Variants in ANXA4 observed in about 807,000 individuals in gnomAD.
The protein encoded by ANXA4 is annexin A4.
In ANXA4, 39 loss-of-function variants were observed where a neutral mutation model predicts 49.8. That is an observed-to-expected ratio of 0.78 (90% CI 0.61 to 1.02). The LOEUF is 1.02. Ranked by LOEUF, ANXA4 falls within the 50% of genes least tolerant of loss-of-function variation. ANXA4 has a pLI of 0.00. For missense variants in ANXA4, 360 were observed against 410.1 expected, an observed-to-expected ratio of 0.88 and a Z score of 1.05; for synonymous variants, 134 against 152.5, an observed-to-expected ratio of 0.88 and a Z score of 0.89.
intron 2 of ANXA4, among the ~76,000 whole-genome samples, chr2:69,664,276 A>C (rs1676852152): frequency 6.6e-6 from 1 of 152,212 alleles, no homozygotes; most frequent in South Asian, 2.1e-4. Flanking sequence ...ACCTTTTTTC[A>C]AGAAGCTTTC....
At chr2:69,677,099 A>C (rs1677438973) in intron 2 of ANXA4, among the ~76,000 whole-genome samples, 1 of 152,154 alleles carries the variant, frequency 6.6e-6, no homozygotes, top group South Asian at 2.1e-4. Context: ...TATAGGCGTG[A>C]GCCACCACAC....
At chr2:69,796,100 G>A (rs1672932984) in intron 3 of ANXA4, among the ~76,000 whole-genome samples, 1 of 152,192 alleles carries the variant, frequency 6.6e-6, no homozygotes, top group African/African-American at 2.4e-5. Context: ...AGTCCTGCCG[G>A]ACCATCTGTG....
At position 69,732,585 on chromosome 2, in the gene ANXA4, C is replaced by G. The variant is rs182875806; in HGVS notation, n.864+11714C>G. Among the ~76,000 whole-genome samples the G allele has an allele frequency of 9.7e-3, 1,473 of 151,852 alleles. 20 individuals carry two copies. The highest frequency in any genetic ancestry group is 0.032 in the African/African-American group (1,327 of 41,382). On this transcript the variant is annotated intron_variant and non_coding_transcript_variant, in intron 3 of 3. Coordinates refer to the ANXA4 transcript ENST00000418066. Reference sequence around the variant, plus strand: ...GCCAGCCTGACCAACATGGAGAAGCCCCGTCTCTACTAAAAATAAAAAATT... The same window carrying G: ...GCCAGCCTGACCAACATGGAGAAGCGCCGTCTCTACTAAAAATAAAAAATT...
At chr2:69,724,236 A>G (rs1047362644) in intron 3 of ANXA4, among the ~76,000 whole-genome samples, 2 of 152,212 alleles carry the variant, frequency 1.3e-5, no homozygotes, top group Non-Finnish European at 2.9e-5. Context: ...CCCATCTCCT[A>G]GAAACTGGTG....
At chr2:69,687,311 C>T (rs1302198187) in intron 2 of ANXA4, among the ~76,000 whole-genome samples, 1 of 152,084 alleles carries the variant, frequency 6.6e-6, no homozygotes, top group Non-Finnish European at 1.5e-5. Flanking sequence ...CGAGACCAGC[C>T]TGGGCAACAT....
At chr2:69,676,027 GATAATA>G (rs1008375536) in intron 2 of ANXA4, among the ~76,000 whole-genome samples, 6 of 149,092 alleles carry the variant, frequency 4.0e-5, no homozygotes, top group East Asian at 3.9e-4. Context: ...AAATAATAAT[GATAATA>G]ATAATAATAA....
At chr2:69,749,935 GA>G (rs1025946766) in intron 1 of ANXA4, among the ~76,000 whole-genome samples, 1 of 138,772 alleles carries the variant, frequency 7.2e-6, no homozygotes, top group Admixed American at 7.3e-5. Flanking sequence ...AAAAAAAAAA[GA>G]AAAAGATGGA....
At chr2:69,730,015 T>C (rs1308435148) in intron 3 of ANXA4, among the ~76,000 whole-genome samples, 1 of 152,216 alleles carries the variant, frequency 6.6e-6, no homozygotes, top group East Asian at 1.9e-4. Flanking sequence ...CTAGAGACCG[T>C]GCCCTTTATT....
rs1670496698 is a variant in ANXA4 at position 69,743,624 on chromosome 2, A to G, written c.-47+1449A>G. 3.3e-5 allele frequency among the ~76,000 whole-genome samples: 5 copies of G among 152,302 alleles called. No individual in the cohort carries two copies. In the South Asian group the frequency reaches 1.0e-3, roughly 32 times the overall value. ...AGAAAACGGATAACCCCATGACCCA[A>G]GAGCTGCTGACTCTCCAGAGCCCTA... is the stretch of plus-strand genomic sequence containing the variant. On this transcript the variant is annotated intron_variant, in intron 1 of 12. Coordinates refer to ENST00000394295, the MANE Select transcript of ANXA4 (RefSeq NM_001153.5).
chr2:69,677,608 A>T (rs1229717918), intron 2 of ANXA4, among the ~76,000 whole-genome samples: 5 of 152,114 alleles, frequency 3.3e-5, no homozygotes, highest in African/African-American at 9.7e-5. Flanking sequence ...CCATCTCTTT[A>T]TTATTGGATA....
At chr2:69,673,637 C>A (rs749449390) in intron 2 of ANXA4, among the ~76,000 whole-genome samples, 5 of 151,274 alleles carry the variant, frequency 3.3e-5, no homozygotes, top group African/African-American at 1.2e-4. Flanking sequence ...CACATGTACC[C>A]CAGAACTTAA....
At chr2:69,793,717 G>A (rs577839851) in intron 3 of ANXA4, among the ~76,000 whole-genome samples, 1 of 152,128 alleles carries the variant, frequency 6.6e-6, no homozygotes, top group African/African-American at 2.4e-5. Flanking sequence ...AATTCCAGGG[G>A]CTCCGAGGAA....
At chr2:69,683,559 G>A (rs763250045) in intron 2 of ANXA4, among the ~76,000 whole-genome samples, 3 of 152,122 alleles carry the variant, frequency 2.0e-5, no homozygotes, top group African/African-American at 4.8e-5. Flanking sequence ...AACCAAAGAG[G>A]AACGATATGC....
chr2:69,747,040 A>T (rs1445760222), intron 1 of ANXA4, among the ~76,000 whole-genome samples: 1 of 152,014 alleles, frequency 6.6e-6, no homozygotes, highest in African/African-American at 2.4e-5. Flanking sequence ...CCTCCTCCCC[A>T]CGAAATAACT....
At chr2:69,754,988 G>A (rs1248245473) in intron 1 of ANXA4, among the ~76,000 whole-genome samples, 2 of 152,096 alleles carry the variant, frequency 1.3e-5, no homozygotes, top group East Asian at 3.9e-4. Flanking sequence ...TCTAAATGTT[G>A]GTCTTGAAAT....
intron 2 of ANXA4, 127 bp from the exon 3 acceptor site, chr2:69,787,927 A>G (rs1005370577): frequency 1.3e-6 from 1 of 773,618 alleles, no homozygotes; most frequent in Non-Finnish European, 2.2e-6. Flanking sequence ...CATGGTCACT[A>G]CTGTACCCCT....
At chr2:69,784,544 G>GAT (rs2103681597) in intron 2 of ANXA4, among the ~76,000 whole-genome samples, 1 of 152,332 alleles carries the variant, frequency 6.6e-6, no homozygotes, top group South Asian at 2.1e-4. Context: ...TATTACTACT[G>GAT]ATATATAATA....
rs138150583 is a variant in ANXA4 at position 69,810,886 on chromosome 2, C to T, written c.477+213C>T. Reference sequence around the variant, plus strand: ...TACTTTAATTTGATATTTACAAGTACCTAACACCTGCCAGGTCCCCCTGTC... The same window carrying T: ...TACTTTAATTTGATATTTACAAGTATCTAACACCTGCCAGGTCCCCCTGTC... On this transcript the variant is annotated intron_variant, in intron 7 of 12. Coordinates refer to ENST00000394295, the MANE Select transcript of ANXA4 (RefSeq NM_001153.5). 266 of 553,326 alleles carry T rather than the reference C, an allele frequency of 4.8e-4. No homozygotes were observed. In the East Asian group the frequency reaches 5.0e-3, roughly 10 times the overall value. 34.3% of individuals were successfully genotyped at this position (553,326 alleles called of 1,614,324 possible). A position where few individuals can be genotyped will look rare whatever the true frequency, so the allele number is the denominator to read the frequency against.
At chr2:69,820,661 G>T (rs745948675) in intron 11 of ANXA4, 38 bp from the exon 12 acceptor site, 16 of 1,610,764 alleles carry the variant, frequency 9.9e-6, no homozygotes, top group Non-Finnish European at 2.5e-6. Context: ...AAAACAGCTA[G>T]GTTTTTGTAT....
Sources: allele counts gnomAD v4.1 joint callset (sites outside exome capture counted in the v4.1 genomes callset), GRCh38; gene constraint gnomAD v4.1.1; transcripts MANE v1.5; gene names NCBI Gene and HGNC (gene_info 2026-07-23, HGNC 2026-07-21).